The following SYT16 variants were observed in gnomAD, a reference collection of about 807,000 sequenced individuals.
The protein encoded by SYT16 is synaptotagmin 16, also known as synaptotagmin-16.
A neutral mutation model predicts 61.4 loss-of-function variants in SYT16; 42 were observed. The ratio of observed to expected loss-of-function variants is 0.68; its 90% CI spans 0.53 to 0.89. The LOEUF (loss-of-function observed/expected upper bound fraction) is 0.89. Among genes scored for constraint, SYT16 ranks in the 40% least tolerant of loss-of-function variants. The pLI is 0.00. For synonymous variants in SYT16, 314 were observed against 302.3 expected (o/e 1.04, Z -0.40); for missense variants, 804 against 807.3 (o/e 1.00, Z 0.05).
intron 1 of SYT16, chr14:61,831,737 TC>T (rs2045942594): frequency 1.2e-5 from 2 of 165,938 alleles, no homozygotes; most frequent in Non-Finnish European, 2.6e-5. Context: ...TTTTTTTTTT[TC>T]TTTCAGGTAA....
intron 1 of SYT16, among the ~76,000 whole-genome samples, chr14:61,849,616 G>A (rs984964748): frequency 6.6e-6 from 1 of 152,078 alleles, no homozygotes; most frequent in African/African-American, 2.4e-5. Context: ...GAGTTCCAAT[G>A]CAAAGTCCCA....
At chr14:61,846,381 G>C (rs554991418) in intron 1 of SYT16, among the ~76,000 whole-genome samples, 2 of 152,156 alleles carry the variant, frequency 1.3e-5, no homozygotes, top group East Asian at 3.9e-4. Context: ...ATATCCTCCT[G>C]CTGAATCGAC....
chr14:61,820,492 TTTTTTTTGAGACGTAGTC>T (rs905613467), intron 1 of SYT16, among the ~76,000 whole-genome samples: 1 of 141,542 alleles, frequency 7.1e-6, no homozygotes, highest in African/African-American at 2.7e-5. Context: ...TTTTTTTTTT[TTTTTTTTGAGACGTAGTC>T]TCGCTCTGTC....
At position 61,996,640 on chromosome 14, in the gene SYT16, T is replaced by G; in HGVS notation, c.523+98T>G. 2.8e-6 allele frequency: 4 copies of G among 1,423,798 alleles called. No homozygotes were observed. In the South Asian group the frequency reaches 5.7e-5, roughly 20 times the overall value. The allele number at this position is 1,423,798 out of a possible 1,614,324, so 88.2% of individuals were successfully genotyped here. On this transcript the variant is annotated intron_variant, in intron 3 of 7. Transcript: ENST00000683842. ...TTTAGTTATCATGTGGATTTTATTT[T>G]TCTCTCTCTTATACCTTCCCACATA...
intron 3 of SYT16, among the ~76,000 whole-genome samples, chr14:62,034,166 C>T (rs913108037): frequency 1.3e-5 from 2 of 152,102 alleles, no homozygotes; most frequent in Non-Finnish European, 2.9e-5. Flanking sequence ...ACCTTGTACC[C>T]ACCAGCAAGG....
intron 1 of SYT16, among the ~76,000 whole-genome samples, chr14:61,968,193 G>A (rs968019828): frequency 5.9e-5 from 9 of 152,244 alleles, no homozygotes; most frequent in South Asian, 2.1e-4. Flanking sequence ...CTCAGGAGGC[G>A]GAGGTTGCAG....
intron 5 of SYT16, among the ~76,000 whole-genome samples, chr14:62,076,798 G>C (rs1468513551): frequency 6.6e-6 from 1 of 152,190 alleles, no homozygotes. Flanking sequence ...TGATTTGCCT[G>C]CCTATTGATA....
At chr14:62,029,477 A>G (rs1273330399) in intron 3 of SYT16, among the ~76,000 whole-genome samples, 1 of 152,190 alleles carries the variant, frequency 6.6e-6, no homozygotes, top group Non-Finnish European at 1.5e-5. Flanking sequence ...GTTGATTGTG[A>G]AGACTCTTGA....
intron 2 of SYT16, among the ~76,000 whole-genome samples, chr14:61,985,897 A>G (rs1880636103): frequency 1.3e-5 from 2 of 152,142 alleles, no homozygotes; most frequent in African/African-American, 2.4e-5. Flanking sequence ...AATGAATTAT[A>G]TGTGTATTGG....
intron 1 of SYT16, among the ~76,000 whole-genome samples, chr14:61,864,180 T>A (rs949941727): frequency 1.3e-5 from 2 of 152,226 alleles, no homozygotes; most frequent in African/African-American, 4.8e-5. Flanking sequence ...TTGTTTCAAA[T>A]TTTCCACTAT....
In SYT16 at chr14:61,852,980, G is replaced by A. The variant is rs529055677; in HGVS notation, c.-325+40170G>A. 4.9e-4 allele frequency among the ~76,000 whole-genome samples: 74 copies of A among 152,254 alleles called. 1 individual carries two copies. The highest frequency in any genetic ancestry group is 1.2e-3 in the Admixed American group (18 of 15,294). ...GTTGCCCAGACTGGAGTGCAGGGGC[G>A]TGATCTTGGCTTACTGCAACCTCCA... On this transcript the variant is annotated intron_variant, in intron 1 of 7. Coordinates refer to ENST00000683842, the MANE Select transcript of SYT16 (RefSeq NM_001367656.1).
At chr14:62,016,559 AAAAAT>A (rs1238245606) in intron 3 of SYT16, among the ~76,000 whole-genome samples, 2 of 118,952 alleles carry the variant, frequency 1.7e-5, no homozygotes, top group Admixed American at 8.7e-5. Flanking sequence ...AAAAAAAAAA[AAAAAT>A]TAGCCGGGCG....
At chr14:62,095,045 A>C (rs188658981) in intron 7 of SYT16, among the ~76,000 whole-genome samples, 1 of 152,108 alleles carries the variant, frequency 6.6e-6, no homozygotes, top group Non-Finnish European at 1.5e-5. Context: ...CTTACTGATA[A>C]GAGACTAGGG....
chr14:62,077,579 G>T (rs929203374), intron 5 of SYT16: 1 of 152,184 alleles, frequency 6.6e-6, no homozygotes, highest in Admixed American at 6.5e-5. Context: ...TCTGCCAAAT[G>T]GGGATAAGAA....
chr14:62,009,113 G>A (rs2053342746), intron 3 of SYT16, among the ~76,000 whole-genome samples: 2 of 152,116 alleles, frequency 1.3e-5, no homozygotes, highest in Admixed American at 1.3e-4. Context: ...GTCACCAAAA[G>A]AGTCATAGTC....
At chr14:61,908,307 A>C (rs1036397231) in intron 1 of SYT16, among the ~76,000 whole-genome samples, 5 of 152,218 alleles carry the variant, frequency 3.3e-5, no homozygotes, top group African/African-American at 1.2e-4. Context: ...TGATTCACGA[A>C]TTTGTCTGAT....
intron 1 of SYT16, among the ~76,000 whole-genome samples, chr14:61,966,598 A>G (rs2051325063): frequency 6.6e-6 from 1 of 152,202 alleles, no homozygotes; most frequent in Non-Finnish European, 1.5e-5. Context: ...AAATCTTAGT[A>G]GTGAGTTGTT....
chr14:61,813,655 C>CT (rs1359014363), intron 1 of SYT16, among the ~76,000 whole-genome samples: 2 of 152,104 alleles, frequency 1.3e-5, no homozygotes, highest in Non-Finnish European at 2.9e-5. Context: ...AATCCCAGCA[C>CT]TTTGGGAGGC....
At chr14:62,094,235 G>T (rs762505143) in intron 7 of SYT16, among the ~76,000 whole-genome samples, 1 of 152,088 alleles carries the variant, frequency 6.6e-6, no homozygotes, top group Non-Finnish European at 1.5e-5. Context: ...AGTTTACTGG[G>T]CCTTTGTGGC....
Sources: allele counts gnomAD v4.1 joint callset (sites outside exome capture counted in the v4.1 genomes callset), GRCh38; gene constraint gnomAD v4.1.1; transcripts MANE v1.5; gene names NCBI Gene and HGNC (gene_info 2026-07-23, HGNC 2026-07-21).